MAST4: variants seen among roughly 807,000 people sequenced by gnomAD.
MAST4 encodes the protein microtubule-associated serine/threonine-protein kinase 4.
In MAST4, 89 loss-of-function variants were observed where a neutral mutation model predicts 162.7. The ratio of observed to expected loss-of-function variants is 0.55; its 90% CI spans 0.46 to 0.65. The LOEUF (loss-of-function observed/expected upper bound fraction) is 0.65, where lower values mean the gene tolerates loss of function less well. MAST4 is among the 30% of genes least tolerant of loss of function. MAST4 has a pLI of 0.00. For missense variants in MAST4, 3,153 were observed against 3,374.0 expected (o/e 0.93, Z 1.62); for synonymous variants, 1,479 against 1,361.1 (o/e 1.09, Z -1.91).
Position 66,787,008 on chromosome 5 carries a change from A to G in MAST4, c.518-1662A>G, listed in dbSNP as rs146958739. Among the ~76,000 whole-genome samples the G allele has an allele frequency of 2.3e-3, 353 of 152,340 alleles. 2 individuals are homozygous for G. Among genetic ancestry groups the G allele is most frequent in the African/African-American group, 8.1e-3 (336 of 41,570 alleles). On this transcript the variant is annotated intron_variant, in intron 2 of 28. Transcript: ENST00000403625. ...AAAGAAAGTCTAGAGGAAAATCACT[A>G]AGGTGTTGATAGTGGTTTTATCTGG...
intron 1 of MAST4, among the ~76,000 whole-genome samples, chr5:66,739,418 A>G (rs1054063094): frequency 1.3e-5 from 2 of 152,108 alleles, no homozygotes; most frequent in African/African-American, 4.8e-5. Flanking sequence ...CTTAATCACA[A>G]AGGGGTAGAA....
intron 4 of MAST4, among the ~76,000 whole-genome samples, chr5:66,919,959 TCCTTCCTTCCTTCCTTCTTTC>T (rs1764413378): frequency 1.8e-5 from 2 of 113,102 alleles, no homozygotes; most frequent in African/African-American, 7.8e-5. Flanking sequence ...CTTCCTTCCT[TCCTTCCTTCCTTCCTTCTTTC>T]TCTCTCTCTC....
chr5:67,161,129 C>T (rs1381245237), intron 27 of MAST4, among the ~76,000 whole-genome samples: 1 of 152,184 alleles, frequency 6.6e-6, no homozygotes, highest in African/African-American at 2.4e-5. Context: ...TTTTGTGCTG[C>T]TTGCAGACAC....
intron 2 of MAST4, among the ~76,000 whole-genome samples, chr5:66,779,104 G>T (rs1754733151): frequency 2.0e-5 from 3 of 152,212 alleles, no homozygotes; most frequent in Admixed American, 2.0e-4. Context: ...AGTATGGAAT[G>T]CTGGTGATAA....
intron 1 of MAST4, among the ~76,000 whole-genome samples, chr5:66,605,693 C>T (rs1282248736): frequency 3.3e-5 from 5 of 152,114 alleles, no homozygotes; most frequent in Non-Finnish European, 7.4e-5. Flanking sequence ...CCCCAAAGAG[C>T]CTGTAAGACC....
At chr5:66,691,042 A>T (rs904906803) in intron 1 of MAST4, among the ~76,000 whole-genome samples, 1 of 152,090 alleles carries the variant, frequency 6.6e-6, no homozygotes, top group Non-Finnish European at 1.5e-5. Flanking sequence ...ATTTAACTTT[A>T]TTGTCCTAAT....
intron 4 of MAST4, among the ~76,000 whole-genome samples, chr5:66,975,819 C>T (rs1489244536): frequency 2.6e-5 from 4 of 151,978 alleles, no homozygotes; most frequent in African/African-American, 7.3e-5. Context: ...TATGGTGAAA[C>T]CCCCTTCTCT....
At chr5:66,719,704 C>T (rs1004980539) in intron 1 of MAST4, among the ~76,000 whole-genome samples, 1 of 152,056 alleles carries the variant, frequency 6.6e-6, no homozygotes, top group Non-Finnish European at 1.5e-5. Context: ...CTAATGCTCT[C>T]CCTCCCCTTG....
chr5:67,164,012 C>T lies in MAST4; in HGVS notation c.4833C>T (p.Ala1611=). The T allele has an allele frequency of 6.3e-7, 1 of 1,595,198 alleles. No individual in the cohort carries two copies. The highest frequency in any genetic ancestry group is 8.5e-7 in the Non-Finnish European group (1 of 1,170,904). ...TGAAGGATGCTCTTCACAAGCAGGC[C>T]AGCGTGCGCGCCAGCGAGGGTGCGA... ...SLLKDALHKQ[A]SVRASEGAMS... is the part of the protein sequence containing the mutation. The change falls in exon 29 of 29, where the codon GCC becomes GCT. Residue 1611 remains alanine, a synonymous_variant. Transcript: ENST00000403625. The surrounding 1 kb of genome is among the most constrained non-coding windows in gnomAD (Gnocchi z 5.3).
Position 66,866,776 on chromosome 5 carries a change from G to A in MAST4, c.643-33175G>A, listed in dbSNP as rs1055399647. Among the ~76,000 whole-genome samples, 20 of 152,248 alleles carry A rather than the reference G, an allele frequency of 1.3e-4. 1 individual carries two copies. Among genetic ancestry groups the A allele is most frequent in the Non-Finnish European group, 2.8e-4 (19 of 68,012 alleles). ...GCTTTTGTTTTTTCTTTTGAGCCCG[G>A]GTCTCGCCCCATCATCCAGGCTGGA... On this transcript the variant is annotated intron_variant, in intron 3 of 28. Coordinates refer to ENST00000403625, the MANE Select transcript of MAST4 (RefSeq NM_001164664.2).
chr5:66,796,954 A>G (rs984964562), intron 3 of MAST4, among the ~76,000 whole-genome samples: 1 of 152,192 alleles, frequency 6.6e-6, no homozygotes, highest in African/African-American at 2.4e-5. Context: ...TGTCATTTTC[A>G]GAGGCTCCTG....
intron 3 of MAST4, among the ~76,000 whole-genome samples, chr5:66,826,607 C>G (rs148026185): frequency 1.6e-4 from 25 of 152,170 alleles, no homozygotes; most frequent in East Asian, 3.9e-4. Flanking sequence ...TCCCACCACC[C>G]CCCCCAATCC....
chr5:67,104,001 T>G (rs1432945896), intron 9 of MAST4, among the ~76,000 whole-genome samples: 1 of 152,210 alleles, frequency 6.6e-6, no homozygotes, highest in African/African-American at 2.4e-5. Flanking sequence ...GATCTGTATT[T>G]CACATGCTGA....
intron 1 of MAST4, among the ~76,000 whole-genome samples, chr5:66,729,095 G>A (rs1006331682): frequency 1.2e-4 from 19 of 152,184 alleles, no homozygotes; most frequent in Non-Finnish European, 4.4e-5. Context: ...TTTTAGAAAA[G>A]GGAAAGAAGT....
chr5:67,021,657 G>A (rs1316072982), intron 4 of MAST4, among the ~76,000 whole-genome samples: 1 of 152,088 alleles, frequency 6.6e-6, no homozygotes, highest in African/African-American at 2.4e-5. Flanking sequence ...TTTGATTAGG[G>A]ACACCCTGGT....
intron 1 of MAST4, among the ~76,000 whole-genome samples, chr5:66,759,002 A>G (rs1194463788): frequency 6.6e-6 from 1 of 152,240 alleles, no homozygotes; most frequent in Non-Finnish European, 1.5e-5. Context: ...TTACAAAAAC[A>G]GGCAGATCTT....
intron 3 of MAST4, among the ~76,000 whole-genome samples, chr5:66,797,400 T>A (rs557236106): frequency 5.3e-5 from 8 of 152,332 alleles, no homozygotes; most frequent in African/African-American, 1.9e-4. Flanking sequence ...AGTTTTGTGG[T>A]TAGTATAATG....
intron 1 of MAST4, among the ~76,000 whole-genome samples, chr5:66,626,254 TCTC>T (rs1279894630): frequency 2.6e-5 from 4 of 151,932 alleles, no homozygotes. Context: ...TCTTAAATCT[TCTC>T]ATATACACAC....
intron 1 of MAST4, among the ~76,000 whole-genome samples, chr5:66,732,756 A>G (rs920160055): frequency 2.6e-5 from 4 of 152,184 alleles, no homozygotes; most frequent in African/African-American, 7.2e-5. Flanking sequence ...GCCTTGGTCT[A>G]TTCTACCTCA....
Sources: allele counts gnomAD v4.1 joint callset (sites outside exome capture counted in the v4.1 genomes callset), GRCh38; gene constraint gnomAD v4.1.1; non-coding constraint Gnocchi (gnomAD v3.1); transcripts MANE v1.5; gene names NCBI Gene and HGNC (gene_info 2026-07-23, HGNC 2026-07-21).